The following GCSAML variants were observed in gnomAD, a reference collection of about 807,000 sequenced individuals.
The protein encoded by GCSAML is germinal center-associated signaling and motility-like protein.
In GCSAML, 9 loss-of-function variants were observed where a neutral mutation model predicts 13.0. The observed-to-expected ratio is 0.69, with a 90% CI of 0.42 to 1.21. GCSAML has a LOEUF of 1.21. Among genes scored for constraint, GCSAML ranks in the 50% most tolerant of loss-of-function variants. The probability of loss-of-function intolerance (pLI) is 0.00; values close to 1 mark genes in which losing one functional copy is unlikely to be tolerated. For synonymous variants in GCSAML, 37 were observed against 52.9 expected, an observed-to-expected ratio of 0.70 and a Z score of 1.31; for missense variants, 143 against 153.4, an observed-to-expected ratio of 0.93 and a Z score of 0.36.
chr1:247,512,678 C>T (rs1666081022), intron 1 of GCSAML, among the ~76,000 whole-genome samples: 1 of 152,104 alleles, frequency 6.6e-6, no homozygotes, highest in African/African-American at 2.4e-5. Context: ...TGTTGGTGAC[C>T]TTCAGATGGG....
chr1:247,563,668 T>C (rs1271260527), intron 3 of GCSAML, 29 bp downstream of exon 3: 22 of 1,364,608 alleles, frequency 1.6e-5, no homozygotes, highest in Non-Finnish European at 2.2e-5. Flanking sequence ...ATATTTTTCA[T>C]AGTAGGGAAG....
At chr1:247,516,858 T>TC (rs1666230094) in intron 1 of GCSAML, among the ~76,000 whole-genome samples, 1 of 152,314 alleles carries the variant, frequency 6.6e-6, no homozygotes, top group South Asian at 2.1e-4. Flanking sequence ...TACTTTTTTT[T>TC]CAGTTAATTT....
chr1:247,515,168 G>C (rs1159462088), intron 1 of GCSAML, among the ~76,000 whole-genome samples: 11 of 152,164 alleles, frequency 7.2e-5, no homozygotes, highest in African/African-American at 1.7e-4. Context: ...CATAGAACTA[G>C]AATATGTGGA....
Position 247,526,140 on chromosome 1 carries a change from G to A in GCSAML, c.-262-800G>A, listed in dbSNP as rs1666672913. 6.6e-6 allele frequency: 1 copy of A among 152,188 alleles called. No individual in the cohort carries two copies. Among genetic ancestry groups the A allele is most frequent in the African/African-American group, 2.4e-5 (1 of 41,456 alleles). The allele number at this position is 152,188 out of a possible 1,614,324, so 9.4% of individuals were successfully genotyped here. On this transcript the variant is annotated intron_variant, in intron 1 of 5. Transcript: ENST00000366489. The surrounding 1 kb of genome is among the most constrained non-coding windows in gnomAD (Gnocchi z 4.8). ...ACCTGTGCACAGCATGTGTTGAGAT[G>A]AGAAAATATCTGTGATCTATTAAGT...
In GCSAML at chr1:247,574,790, C is replaced by T. The variant is rs1572386826; in HGVS notation, c.*408C>T. The T allele has an allele frequency of 4.8e-6, 1 of 208,920 alleles. No individual in the cohort carries two copies. The highest frequency in any genetic ancestry group is 5.3e-5 in the Admixed American group (1 of 19,012). The allele number at this position is 208,920 out of a possible 1,614,324, so 12.9% of individuals were successfully genotyped here. A position where few individuals can be genotyped will look rare whatever the true frequency, so the allele number is the denominator to read the frequency against. On this transcript the variant is annotated 3_prime_UTR_variant, in exon 5 of 5. Coordinates refer to ENST00000366488, the MANE Select transcript of GCSAML (RefSeq NM_145278.5). Reference sequence around the variant, plus strand: ...TGATAGGAAGGGAGGTGAGACACACCTTGTTATACCCCTTCCCTTTTGGAG... The same window carrying T: ...TGATAGGAAGGGAGGTGAGACACACTTTGTTATACCCCTTCCCTTTTGGAG...
chr1:247,561,556 A>G (rs1668129139), intron 2 of GCSAML, among the ~76,000 whole-genome samples: 1 of 152,012 alleles, frequency 6.6e-6, no homozygotes, highest in African/African-American at 2.4e-5. Context: ...TTCCTCTCCC[A>G]TTAATGTTGC....
At chr1:247,520,458 G>C (rs1039592375) in intron 1 of GCSAML, among the ~76,000 whole-genome samples, 1 of 152,000 alleles carries the variant, frequency 6.6e-6, no homozygotes, top group African/African-American at 2.4e-5. Context: ...AGCCTACCCT[G>C]AAGAGTTCTG....
At chr1:247,511,977 G>C (rs998742297) in intron 1 of GCSAML, among the ~76,000 whole-genome samples, 1 of 152,084 alleles carries the variant, frequency 6.6e-6, no homozygotes, top group African/African-American at 2.4e-5. Flanking sequence ...TGGGACGACT[G>C]TGTGTCTTGG....
At chr1:247,546,414 A>G (rs1002438233), upstream of GCSAML, among the ~76,000 whole-genome samples, 84 of 152,154 alleles carry the variant, frequency 5.5e-4, 1 homozygote, top group African/African-American at 1.4e-3. Context: ...GCTGGAGTGC[A>G]GTGGCGCGAT....
intron 4 of GCSAML, among the ~76,000 whole-genome samples, chr1:247,567,402 C>A (rs1019207622): frequency 6.6e-6 from 1 of 152,138 alleles, no homozygotes. Flanking sequence ...TGTTCAACTT[C>A]CACTTATGAG....
chr1:247,512,800 G>T (rs1391503025), intron 1 of GCSAML, among the ~76,000 whole-genome samples: 1 of 152,046 alleles, frequency 6.6e-6, no homozygotes, highest in Non-Finnish European at 1.5e-5. Flanking sequence ...TTTGCTGGGG[G>T]TCCGCTCGAG....
chr1:247,553,694 G>C (rs1409178854), intron 1 of GCSAML, among the ~76,000 whole-genome samples: 1 of 152,122 alleles, frequency 6.6e-6, no homozygotes, highest in Admixed American at 6.5e-5. Context: ...TTGAACTCCT[G>C]GCCTCAAGTG....
rs1328931444 is a variant in GCSAML at position 247,576,295 on chromosome 1, A to T, written c.*1913A>T. 1.3e-5 allele frequency: 2 copies of T among 152,198 alleles called. No homozygotes were observed. The highest frequency in any genetic ancestry group is 2.9e-5 in the Non-Finnish European group (2 of 68,052). 9.4% of individuals were successfully genotyped at this position (152,198 alleles called of 1,614,324 possible). ...TGATGCAGTTCATGCCAGTGATCCG[A>T]GTACTTTGGGAAGCCAAGACAGGTG... On this transcript the variant is annotated 3_prime_UTR_variant, in exon 5 of 5. Transcript: ENST00000366488.
intron 2 of GCSAML, among the ~76,000 whole-genome samples, chr1:247,542,611 CTACA>C (rs1667449936): frequency 6.6e-6 from 1 of 152,118 alleles, no homozygotes; most frequent in Non-Finnish European, 1.5e-5. Context: ...ATTTTACTTG[CTACA>C]TACTTCATGA....
At position 247,510,010 on chromosome 1, in the gene GCSAML, G is replaced by A. The variant is rs1054733985; in HGVS notation, c.-263+2777G>A. On this transcript the variant is annotated intron_variant, in intron 1 of 5. Coordinates refer to the GCSAML transcript ENST00000366489. ...AGGTTATGGTATCAGGATGATGCTGGCCTCATAAAATGAGTTAAGGAGGAG... is the reference window on the plus strand; with the variant it reads ...AGGTTATGGTATCAGGATGATGCTGACCTCATAAAATGAGTTAAGGAGGAG... Among the ~76,000 whole-genome samples, 7 of 152,168 alleles carry A rather than the reference G, an allele frequency of 4.6e-5. 1 individual carries two copies. The highest frequency in any genetic ancestry group is 1.0e-4 in the Non-Finnish European group (7 of 68,026).
chr1:247,518,398 T>G (rs965514679), intron 1 of GCSAML: 4 of 152,398 alleles, frequency 2.6e-5, no homozygotes, highest in Non-Finnish European at 4.4e-5. Context: ...TCGGGGGCAG[T>G]GCACTGCTGC....
At chr1:247,560,865 CT>C (rs1193945393) in intron 2 of GCSAML, among the ~76,000 whole-genome samples, 2 of 152,142 alleles carry the variant, frequency 1.3e-5, no homozygotes, top group Admixed American at 6.5e-5. Flanking sequence ...GTTTTTTCCC[CT>C]GTGAAGTCGG....
rs1003118565 is a variant in GCSAML at position 247,575,493 on chromosome 1, C to A, written c.*1111C>A. 1 of 152,150 alleles carries A rather than the reference C, an allele frequency of 6.6e-6. No homozygotes were observed. The highest frequency in any genetic ancestry group is 2.4e-5 in the African/African-American group (1 of 41,426). 9.4% of individuals were successfully genotyped at this position (152,150 alleles called of 1,614,324 possible). On this transcript the variant is annotated 3_prime_UTR_variant, in exon 5 of 5. Coordinates refer to ENST00000366488, the MANE Select transcript of GCSAML (RefSeq NM_145278.5). ...GACCAGTGACCAGACCCTTTGCTAA[C>A]CTGACATTTACTTCAATTTTTCTTT...
intron 2 of GCSAML, among the ~76,000 whole-genome samples, chr1:247,562,735 C>T (rs1558257899): frequency 6.6e-6 from 1 of 152,160 alleles, no homozygotes; most frequent in Non-Finnish European, 1.5e-5. Context: ...GCAACCCCAT[C>T]TCCTCCCTAC....
Sources: gnomAD v4.1 joint callset for allele counts (sites outside exome capture counted in the v4.1 genomes callset) on GRCh38, gnomAD v4.1.1 for gene constraint, Gnocchi (gnomAD v3.1) non-coding constraint, MANE v1.5 for transcripts, NCBI Gene and HGNC (gene_info 2026-07-23, HGNC 2026-07-21) for gene names.